FHIT: variants seen among roughly 807,000 people sequenced by gnomAD.
The protein encoded by FHIT is bis(5'-adenosyl)-triphosphatase.
A neutral mutation model predicts 17.9 loss-of-function variants in FHIT; 19 were observed. That is an observed-to-expected ratio of 1.06 (90% confidence interval 0.74 to 1.56). FHIT has a LOEUF of 1.56. FHIT is among the 40% of genes most tolerant of loss of function. FHIT has a pLI of 0.00. For synonymous variants in FHIT, 81 were observed against 69.7 expected (o/e 1.16, Z -0.81); for missense variants, 248 against 189.2 (o/e 1.31, Z -1.82).
chr3:60,004,111 G>A (rs1425723474), intron 7 of FHIT, among the ~76,000 whole-genome samples: 1 of 152,018 alleles, frequency 6.6e-6, no homozygotes, highest in Admixed American at 6.6e-5. Flanking sequence ...ATCAACAAAG[G>A]TAAGACTCTG....
intron 4 of FHIT, among the ~76,000 whole-genome samples, chr3:60,711,158 C>A (rs62249267): frequency 0.84 from 128,457 of 152,128 alleles, 55,972 homozygotes; most frequent in East Asian, 1. Flanking sequence ...GATACCCACA[C>A]AAACAGGGTC....
intron 8 of FHIT, among the ~76,000 whole-genome samples, chr3:59,888,469 G>A (rs2106995374): frequency 6.6e-6 from 1 of 152,222 alleles, no homozygotes; most frequent in South Asian, 2.1e-4. Flanking sequence ...TATACAATAA[G>A]CACAATTGTA....
chr3:60,027,552 C>CA (rs150618580), intron 5 of FHIT, among the ~76,000 whole-genome samples: 1,875 of 152,014 alleles, frequency 0.012, 44 homozygotes, highest in African/African-American at 0.043. Flanking sequence ...ATAAGTGTCA[C>CA]AAGTTTCTTA....
intron 3 of FHIT, among the ~76,000 whole-genome samples, chr3:60,943,079 T>C (rs944254498): frequency 1.3e-5 from 2 of 152,152 alleles, no homozygotes; most frequent in African/African-American, 2.4e-5. Flanking sequence ...TATTATCTGT[T>C]AGTGGAGTTT....
chr3:60,350,780 TCTC>T (rs1483634628), intron 5 of FHIT, among the ~76,000 whole-genome samples: 1 of 152,122 alleles, frequency 6.6e-6, no homozygotes, highest in East Asian at 1.9e-4. Context: ...TTGTGTGTAA[TCTC>T]CTCTCTTGAG....
intron 4 of FHIT, among the ~76,000 whole-genome samples, chr3:60,704,235 T>C (rs977366958): frequency 6.6e-6 from 1 of 152,178 alleles, no homozygotes; most frequent in Non-Finnish European, 1.5e-5. Flanking sequence ...CAATGAAACC[T>C]AGATGGTTTG....
chr3:59,928,531 C>A (rs949624418), intron 7 of FHIT, among the ~76,000 whole-genome samples: 4 of 152,166 alleles, frequency 2.6e-5, no homozygotes, highest in African/African-American at 9.7e-5. Context: ...TAAAGAACTA[C>A]TTACAACTAA....
chr3:60,577,307 A>G (rs2037602974), intron 4 of FHIT, among the ~76,000 whole-genome samples: 1 of 152,156 alleles, frequency 6.6e-6, no homozygotes. Flanking sequence ...CCAAATGTCT[A>G]GAAGCTAACC....
chr3:60,486,560 T>G (rs2033849539), intron 5 of FHIT, among the ~76,000 whole-genome samples: 1 of 152,146 alleles, frequency 6.6e-6, no homozygotes, highest in South Asian at 2.1e-4. Context: ...ATACCATCAG[T>G]TCTTTCACTG....
In FHIT at chr3:60,441,785, T is replaced by C. The variant is rs1205948705; in HGVS notation, c.103+95075A>G. 4.5e-3 allele frequency among the ~76,000 whole-genome samples: 339 copies of C among 75,338 alleles called. 10 individuals carry two copies. The highest frequency in any genetic ancestry group is 0.023 in the African/African-American group (321 of 13,962). The allele number at this position is 75,338 out of a possible 152,430, so 49.4% of individuals were successfully genotyped here. On this transcript the variant is annotated intron_variant, in intron 5 of 9. Coordinates refer to ENST00000492590, the MANE Select transcript of FHIT (RefSeq NM_002012.4). ...ATATATATATTTATATGTATAAAAA[T>C]ATATATATATATATATATATATATA... is the stretch of plus-strand genomic sequence containing the variant.
At chr3:60,156,842 T>C (rs111744648) in intron 5 of FHIT, among the ~76,000 whole-genome samples, 26 of 152,132 alleles carry the variant, frequency 1.7e-4, no homozygotes, top group Non-Finnish European at 2.9e-4. Flanking sequence ...AATGTATGAA[T>C]TGTGACTCTG....
chr3:60,988,969 A>C (rs898083927), intron 3 of FHIT, among the ~76,000 whole-genome samples: 1 of 148,192 alleles, frequency 6.7e-6, no homozygotes, highest in East Asian at 2.0e-4. Flanking sequence ...AAAAAAAAAA[A>C]AAAAAACAAG....
intron 4 of FHIT, among the ~76,000 whole-genome samples, chr3:60,730,821 A>C (rs2042012238): frequency 6.6e-6 from 1 of 152,196 alleles, no homozygotes; most frequent in Non-Finnish European, 1.5e-5. Context: ...TCTAGTGTTA[A>C]GAAAAATAAG....
At chr3:60,369,131 C>A (rs1700224561) in intron 5 of FHIT, among the ~76,000 whole-genome samples, 2 of 150,660 alleles carry the variant, frequency 1.3e-5, no homozygotes, top group African/African-American at 4.8e-5. Context: ...CACCAACACG[C>A]CTTGCTAATT....
intron 2 of FHIT, among the ~76,000 whole-genome samples, chr3:61,105,490 G>C (rs145317590): frequency 5.3e-5 from 8 of 152,016 alleles, no homozygotes; most frequent in African/African-American, 1.9e-4. Flanking sequence ...TACATTCATG[G>C]TGAGAGTCTG....
At chr3:60,594,179 C>T (rs2038183941) in intron 4 of FHIT, among the ~76,000 whole-genome samples, 1 of 152,078 alleles carries the variant, frequency 6.6e-6, no homozygotes, top group African/African-American at 2.4e-5. Context: ...TCTGTGGAAA[C>T]AGTACACTGG....
At chr3:60,821,524 C>T (rs1357068885) in intron 4 of FHIT, among the ~76,000 whole-genome samples, 1 of 152,102 alleles carries the variant, frequency 6.6e-6, no homozygotes, top group African/African-American at 2.4e-5. Flanking sequence ...CAAAACATAA[C>T]AACCTGACTT....
intron 3 of FHIT, among the ~76,000 whole-genome samples, chr3:60,957,313 C>T (rs1479435753): frequency 7.0e-6 from 1 of 143,804 alleles, no homozygotes; most frequent in Non-Finnish European, 1.5e-5. Context: ...TCTCAGCTCA[C>T]TGCAACCTCC....
rs1700235325 is a variant in FHIT, at chr3:60,013,901, TACAA to T, written c.249+102_249+105del. ...CTCTTTTTTTGGCTGCTACCTAAAA[TACAA>T]ACAATCACATCTGCCCTCCTGGTAA... On this transcript the variant is annotated intron_variant, in intron 6 of 9. Coordinates refer to ENST00000492590, the MANE Select transcript of FHIT (RefSeq NM_002012.4). The T allele has an allele frequency of 4.1e-6, 5 of 1,208,984 alleles. No homozygotes were observed. In the African/African-American group the frequency reaches 4.5e-5, roughly 11 times the overall value. The allele number at this position is 1,208,984 out of a possible 1,614,324, so 74.9% of individuals were successfully genotyped here.
Sources: allele counts gnomAD v4.1 joint callset (sites outside exome capture counted in the v4.1 genomes callset), GRCh38; gene constraint gnomAD v4.1.1; transcripts MANE v1.5; gene names NCBI Gene and HGNC (gene_info 2026-07-23, HGNC 2026-07-21).